The following TIAM2 variants were observed in gnomAD, a reference collection of about 807,000 sequenced individuals.
TIAM2 encodes TIAM Rac1 associated GEF 2.
Under a neutral mutation model 152.9 loss-of-function variants are expected in TIAM2, and 80 were observed. The ratio of observed to expected loss-of-function variants is 0.52; its 90% CI spans 0.44 to 0.63. The LOEUF is 0.63. TIAM2 is among the 30% of genes least tolerant of loss of function. The probability of loss-of-function intolerance (pLI) is 0.00; values close to 1 mark genes in which losing one functional copy is unlikely to be tolerated. For missense variants in TIAM2, 1,965 were observed against 2,120.1 expected (o/e 0.93, Z 1.44); for synonymous variants, 804 against 838.0 (o/e 0.96, Z 0.70).
chr6:154,997,507 T>G (rs186757679), intron 1 of TIAM2, among the ~76,000 whole-genome samples: 3 of 151,964 alleles, frequency 2.0e-5, no homozygotes, highest in Non-Finnish European at 4.4e-5. Context: ...AAAAGTACAG[T>G]ATGGGTTAGT....
At chr6:155,081,886 C>G (rs757334494) in intron 1 of TIAM2, among the ~76,000 whole-genome samples, 6 of 152,124 alleles carry the variant, frequency 3.9e-5, no homozygotes, top group Admixed American at 2.6e-4. Flanking sequence ...TGTTCTCGCT[C>G]AAGCCACCTT....
At chr6:155,012,140 T>C (rs562338558) in intron 1 of TIAM2, among the ~76,000 whole-genome samples, 1 of 152,318 alleles carries the variant, frequency 6.6e-6, no homozygotes, top group African/African-American at 2.4e-5. Context: ...GAGCCTACAA[T>C]TTCAAAGAGT....
At chr6:155,114,014 T>TTATATATATATATATATATATATA (rs1212954021) in intron 2 of TIAM2, among the ~76,000 whole-genome samples, 4 of 58,852 alleles carry the variant, frequency 6.8e-5, no homozygotes, top group Admixed American at 3.6e-4. Flanking sequence ...ATACTTTACT[T>TTATATATATATATATATATATATA]TATATATATA....
chr6:155,082,665 C>CATATAAAT (rs765607888), intron 1 of TIAM2, among the ~76,000 whole-genome samples: 3 of 93,378 alleles, frequency 3.2e-5, no homozygotes, highest in Non-Finnish European at 6.3e-5. Flanking sequence ...CAAAAAAACC[C>CATATAAAT]CAATAAATAA....
intron 7 of TIAM2, among the ~76,000 whole-genome samples, chr6:155,148,730 G>A (rs1269859293): frequency 6.6e-6 from 1 of 152,106 alleles, no homozygotes; most frequent in Non-Finnish European, 1.5e-5. Flanking sequence ...ACGTGGTTTG[G>A]TGTAACAGCT....
intron 12 of TIAM2, among the ~76,000 whole-genome samples, chr6:155,181,631 T>C (rs1780905746): frequency 1.3e-5 from 2 of 152,202 alleles, no homozygotes; most frequent in Admixed American, 6.5e-5. Context: ...TTCCTCATAC[T>C]GTCCTTCCCC....
intron 1 of TIAM2, among the ~76,000 whole-genome samples, chr6:155,024,083 G>A (rs1776551881): frequency 6.6e-6 from 1 of 152,142 alleles, no homozygotes; most frequent in Non-Finnish European, 1.5e-5. Flanking sequence ...GGGTGGGTGA[G>A]GAATTAAGGA....
chr6:155,207,920 CAGAT>C (rs1389362029), intron 14 of TIAM2, among the ~76,000 whole-genome samples: 1 of 152,174 alleles, frequency 6.6e-6, no homozygotes, highest in East Asian at 1.9e-4. Flanking sequence ...GAGATTGACT[CAGAT>C]GACTCAGGAT....
intron 14 of TIAM2, among the ~76,000 whole-genome samples, chr6:155,196,501 G>A (rs1280109521): frequency 2.0e-5 from 3 of 152,126 alleles, no homozygotes; most frequent in East Asian, 1.9e-4. Context: ...GTTGGGAAGC[G>A]GGAGTTACTC....
chr6:155,211,976 T>A (rs1781733406), intron 15 of TIAM2, among the ~76,000 whole-genome samples: 1 of 152,230 alleles, frequency 6.6e-6, no homozygotes, highest in Non-Finnish European at 1.5e-5. Context: ...ATATTTGTCC[T>A]TTTGTTTCTG....
chr6:155,189,150 C>G (rs1781125658), intron 14 of TIAM2, among the ~76,000 whole-genome samples: 1 of 152,204 alleles, frequency 6.6e-6, no homozygotes. Context: ...AGAGCCAGCT[C>G]TGATGTGGCA....
chr6:155,185,354 T>C (rs560779434), intron 14 of TIAM2, among the ~76,000 whole-genome samples: 1 of 152,090 alleles, frequency 6.6e-6, no homozygotes, highest in South Asian at 2.1e-4. Context: ...CTTGAACTCC[T>C]GACCTCAAGC....
rs189310482 is a variant in TIAM2, at chr6:155,145,062, C to G, written c.1803+284C>G. ...AAGAGAAAAAAATCATGATCCCTGT[C>G]CTGGAGTAGCTGGCGATCTAGTGAG... On this transcript the variant is annotated intron_variant, in intron 6 of 26. Transcript: ENST00000682666. Among the ~76,000 whole-genome samples, 217 of 152,200 alleles carry G rather than the reference C, an allele frequency of 1.4e-3. 1 individual carries two copies. The highest frequency in any genetic ancestry group is 5.0e-3 in the African/African-American group (209 of 41,530).
chr6:155,175,693 T>C (rs965510724), intron 9 of TIAM2, among the ~76,000 whole-genome samples: 1 of 152,216 alleles, frequency 6.6e-6, no homozygotes, highest in African/African-American at 2.4e-5. Context: ...TTTACTGCTA[T>C]GTGAATATAA....
chr6:155,078,133 C>T (rs570072377), intron 1 of TIAM2, among the ~76,000 whole-genome samples: 1 of 152,146 alleles, frequency 6.6e-6, no homozygotes, highest in Non-Finnish European at 1.5e-5. Flanking sequence ...GTCACGGCTC[C>T]TCCTGGGCTC....
chr6:155,235,419 G>C (rs1293389137), intron 15 of TIAM2, among the ~76,000 whole-genome samples: 2 of 152,162 alleles, frequency 1.3e-5, no homozygotes, highest in African/African-American at 4.8e-5. Flanking sequence ...TGCTTTTCAG[G>C]CCTATCACCA....
chr6:155,118,915 G>GT (rs1779084371), intron 2 of TIAM2, among the ~76,000 whole-genome samples: 1 of 148,782 alleles, frequency 6.7e-6, no homozygotes, highest in Non-Finnish European at 1.5e-5. Context: ...GACCTAATCT[G>GT]TGGTGTCCAG....
At chr6:155,006,162 C>G (rs142669788) in intron 1 of TIAM2, among the ~76,000 whole-genome samples, 1 of 152,064 alleles carries the variant, frequency 6.6e-6, no homozygotes, top group Non-Finnish European at 1.5e-5. Flanking sequence ...GATGGGAGGC[C>G]GACCCACGGC....
At chr6:155,158,783 T>TTTC (rs1036337412) in intron 7 of TIAM2, among the ~76,000 whole-genome samples, 67 of 151,710 alleles carry the variant, frequency 4.4e-4, no homozygotes, top group Non-Finnish European at 7.8e-4. Flanking sequence ...AAGTGTTTTT[T>TTTC]TTTTTCTTTT....
Sources: allele counts gnomAD v4.1 joint callset (sites outside exome capture counted in the v4.1 genomes callset), GRCh38; gene constraint gnomAD v4.1.1; transcripts MANE v1.5; gene names NCBI Gene and HGNC (gene_info 2026-07-23, HGNC 2026-07-21).